IL32: variants seen among roughly 807,000 people sequenced by gnomAD.
IL32 encodes the protein interleukin-32.
A neutral mutation model predicts 16.6 loss-of-function variants in IL32; 30 were observed. The ratio of observed to expected loss-of-function variants is 1.81; its 90% CI spans 1.35 to 2.45. The LOEUF (loss-of-function observed/expected upper bound fraction) is 2.45. IL32 is among the 30% of genes most tolerant of loss of function. IL32 has a pLI of 0.00. For synonymous variants in IL32, 70 were observed against 86.1 expected (o/e 0.81, Z 1.03); for missense variants, 234 against 229.8 (o/e 1.02, Z -0.12).
chr16:3,068,784 C>A, intron 6 of IL32: 2 of 774,076 alleles, frequency 2.6e-6, no homozygotes, highest in South Asian at 1.9e-5. Flanking sequence ...AGCAGACACA[C>A]CCATCCTGTC....
chr16:3,068,519 G>T (rs1956693880), intron 6 of IL32: 1 of 470,782 alleles, frequency 2.1e-6, no homozygotes, highest in East Asian at 4.2e-5. Flanking sequence ...CACCATGTTT[G>T]CCAGGCTGGT....
chr16:3,068,731 G>A (rs975693206), intron 6 of IL32: 2 of 539,032 alleles, frequency 3.7e-6, no homozygotes, highest in Admixed American at 3.2e-5. Flanking sequence ...TCACACAGTG[G>A]CACAGCCCTC....
intron 2 of IL32, 102 bp from the exon 3 acceptor site, chr16:3,067,275 G>C (rs1438721572): frequency 1.2e-4 from 24 of 204,370 alleles, no homozygotes; most frequent in African/African-American, 5.5e-4. Flanking sequence ...GTGTCTCTGT[G>C]TGTGTGTGTG....
At chr16:3,066,552 C>T (rs944482524) in intron 2 of IL32, among the ~76,000 whole-genome samples, 16 of 152,152 alleles carry the variant, frequency 1.1e-4, no homozygotes, top group African/African-American at 3.6e-4. Flanking sequence ...CGAGACTAGG[C>T]CCTTGACGTG....
Position 3,068,217 on chromosome 16 carries a change from CTTA to C in IL32, c.184_186del (p.Tyr62del), listed in dbSNP as rs375978133. On this transcript the variant is annotated inframe_deletion, in exon 6 of 7. Transcript: ENST00000525643. The stretch of plus-strand genomic sequence containing the variant: ...GAGGGCTACCTGGAGACAGTGGCGG[CTTA>C]TTATGAGGAGCAGCACCCAGTGAGT... The C allele has an allele frequency of 2.4e-4, 389 of 1,600,142 alleles. 4 individuals carry two copies. The African/African-American group carries it at 4.1e-3, about 17-fold the overall frequency.
At chr16:3,066,362 C>T (rs73490427) in intron 2 of IL32, among the ~76,000 whole-genome samples, 39 of 152,352 alleles carry the variant, frequency 2.6e-4, no homozygotes, top group African/African-American at 8.7e-4. Flanking sequence ...ACATGGCTCC[C>T]GCATGTCGGC....
Position 3,069,182 on chromosome 16 carries a change from G to T in IL32, c.394G>T (p.Glu132Ter). The T allele has an allele frequency of 6.2e-7, 1 of 1,614,036 alleles. No individual in the cohort carries two copies. Among genetic ancestry groups the T allele is most frequent in the Non-Finnish European group, 8.5e-7 (1 of 1,179,972 alleles). The change falls in exon 7 of 7, where the codon GAG becomes TAG. Residue 132 changes from glutamate to a stop codon, truncating the protein, a stop_gained. Coordinates refer to ENST00000525643, the MANE Select transcript of IL32 (RefSeq NM_001376923.1). LOFTEE classifies it low-confidence loss of function (END_TRUNC). The stretch of plus-strand genomic sequence containing the variant: ...GCACGGGGTTCTGGCCTGGGTGAAG[G>T]AGAAGGTGGTGGCCCTGGTCCATGC... ...WWHGVLAWVKEKVVALVHAVQ... is the reference protein window; with the variant it reads ...WWHGVLAWVK
intron 2 of IL32, 63 bp downstream of exon 2, chr16:3,065,889 T>C: frequency 6.3e-7 from 1 of 1,597,050 alleles, no homozygotes; most frequent in Non-Finnish European, 8.6e-7. Flanking sequence ...AGGGTGCGGG[T>C]GCCCTCAGTA....
chr16:3,066,518 G>A (rs980035684), intron 2 of IL32, among the ~76,000 whole-genome samples: 5 of 152,176 alleles, frequency 3.3e-5, no homozygotes, highest in Admixed American at 6.5e-5. Context: ...ACTCTATAGT[G>A]GGGGAAACCA....
chr16:3,067,885 G>A lies in IL32; in HGVS notation c.115-99G>A, dbSNP rs541259667. ...CCGGGCCCCTGGCTGGGCCCAGTTC[G>A]GGGTGTGTGGGAGCTGAGGACTCAC... On this transcript the variant is annotated intron_variant, in intron 4 of 6. Coordinates refer to ENST00000525643, the MANE Select transcript of IL32 (RefSeq NM_001376923.1). The A allele has an allele frequency of 8.1e-5, 113 of 1,403,496 alleles. 1 individual carries two copies. Among genetic ancestry groups the A allele is most frequent in the Middle Eastern group, 7.3e-4 (4 of 5,516 alleles). The allele number at this position is 1,403,496 out of a possible 1,614,324, so 86.9% of individuals were successfully genotyped here.
At chr16:3,067,864 G>T (rs1956578235) in intron 4 of IL32, 120 bp from the exon 5 acceptor site, 3 of 1,219,960 alleles carry the variant, frequency 2.5e-6, no homozygotes, top group South Asian at 1.2e-5. Context: ...CGTGGCCCGG[G>T]CCCCTGGCTG....
intron 4 of IL32, 24 bp from the exon 5 acceptor site, chr16:3,067,960 A>G: frequency 2.5e-6 from 4 of 1,614,010 alleles, no homozygotes; most frequent in Non-Finnish European, 3.4e-6. Flanking sequence ...TTGGGCCTGG[A>G]ACCGAGTGCT....
intron 3 of IL32, 55 bp downstream of exon 3, chr16:3,067,470 G>C (rs1374139568): frequency 1.9e-6 from 3 of 1,613,508 alleles, no homozygotes; most frequent in South Asian, 1.1e-5. Context: ...CTCAGCGTGT[G>C]ACACTGAGGA....
chr16:3,067,653 C>T (rs767521322), intron 4 of IL32, 40 bp downstream of exon 4: 19 of 1,432,744 alleles, frequency 1.3e-5, no homozygotes, highest in East Asian at 4.5e-5. Context: ...CACATGTCCC[C>T]GCCCCCAGGC....
chr16:3,067,147 G>A (rs1956430485), intron 2 of IL32, among the ~76,000 whole-genome samples: 1 of 152,078 alleles, frequency 6.6e-6, no homozygotes, highest in African/African-American at 2.4e-5. Flanking sequence ...CTGCCCAGCT[G>A]AGCCGGCTCC....
At chr16:3,067,519 C>T (rs566802763) in intron 3 of IL32, 35 bp from the exon 4 acceptor site, 49 of 1,614,046 alleles carry the variant, frequency 3.0e-5, no homozygotes, top group East Asian at 2.2e-4. Context: ...GACAAGGATC[C>T]GGCCCTTTGG....
chr16:3,067,017 G>T (rs1179986307), intron 2 of IL32, among the ~76,000 whole-genome samples: 1 of 62,720 alleles, frequency 1.6e-5, no homozygotes, highest in African/African-American at 5.2e-5. Context: ...GCTCTTGTGA[G>T]GAGGGGTCAC....
chr16:3,067,771 G>C (rs541415850), intron 4 of IL32, 158 bp downstream of exon 4: 1 of 819,538 alleles, frequency 1.2e-6, no homozygotes, highest in East Asian at 2.5e-5. Context: ...GTGAGTGGGC[G>C]GGTGGGGGAT....
chr16:3,068,355 G>A (rs1956669654), intron 6 of IL32, 116 bp downstream of exon 6: 4 of 951,888 alleles, frequency 4.2e-6, no homozygotes, highest in Non-Finnish European at 6.5e-6. Flanking sequence ...GCCCAGGCTG[G>A]AGTGCAGTGG....
Sources: gnomAD v4.1 joint callset for allele counts (sites outside exome capture counted in the v4.1 genomes callset) on GRCh38, gnomAD v4.1.1 for gene constraint, MANE v1.5 for transcripts, NCBI Gene and HGNC (gene_info 2026-07-23, HGNC 2026-07-21) for gene names.